IGDCC4: variants seen among roughly 807,000 people sequenced by gnomAD.
IGDCC4 encodes the protein likely ortholog of mouse neighbor of Punc E11.
A neutral mutation model predicts 116.6 loss-of-function variants in IGDCC4; 72 were observed. That is an observed-to-expected ratio of 0.62 (90% CI 0.51 to 0.75). The LOEUF is 0.75. Ranked by LOEUF, IGDCC4 falls within the 30% of genes least tolerant of loss-of-function variation. IGDCC4 has a pLI of 0.00. For missense variants in IGDCC4, 1,501 were observed against 1,662.4 expected (o/e 0.90, Z 1.69); for synonymous variants, 709 against 719.9 (o/e 0.98, Z 0.24).
chr15:65,408,506 G>GGGCTCCT (rs2140229132), intron 3 of IGDCC4, among the ~76,000 whole-genome samples: 1 of 152,280 alleles, frequency 6.6e-6, no homozygotes, highest in East Asian at 1.9e-4. Flanking sequence ...GGATGTTAAG[G>GGGCTCCT]GGCTCCTGGG....
At chr15:65,402,639 G>A (rs906922740) in intron 3 of IGDCC4, 152 bp from the exon 4 acceptor site, 55 of 1,032,450 alleles carry the variant, frequency 5.3e-5, no homozygotes, top group Middle Eastern at 3.1e-4. Context: ...GAGGCGAGGC[G>A]GGCGAATCAC....
intron 18 of IGDCC4, chr15:65,385,316 G>C: frequency 1.7e-6 from 1 of 595,336 alleles, no homozygotes; most frequent in Non-Finnish European, 2.9e-6. Context: ...GAGTCCTCCT[G>C]CAGAGGAGCG....
intron 15 of IGDCC4, 94 bp from the exon 16 acceptor site, chr15:65,388,680 A>G: frequency 6.3e-7 from 1 of 1,592,108 alleles, no homozygotes; most frequent in Non-Finnish European, 8.6e-7. Context: ...TCTGCTCTCC[A>G]CTTAGGCAGC....
Position 65,383,963 on chromosome 15 carries a change from A to G in IGDCC4, c.*46T>C. 2 of 1,494,470 alleles carry G rather than the reference A, an allele frequency of 1.3e-6. No homozygotes were observed. Among genetic ancestry groups the G allele is most frequent in the East Asian group, 2.3e-5 (1 of 43,196 alleles). 92.6% of individuals were successfully genotyped at this position (1,494,470 alleles called of 1,614,324 possible). The stretch of plus-strand genomic sequence containing the variant: ...TACACGGCCACAGGTATCGCATCCT[A>G]TGTGATCCATACCTGCCTGCCCCAA... On this transcript the variant is annotated 3_prime_UTR_variant, in exon 20 of 20. Transcript: ENST00000352385.
chr15:65,401,190 C>T (rs2062982553), intron 4 of IGDCC4, among the ~76,000 whole-genome samples: 1 of 152,164 alleles, frequency 6.6e-6, no homozygotes, highest in Non-Finnish European at 1.5e-5. Flanking sequence ...TTAGACAGAC[C>T]CACACCTACC....
At chr15:65,420,788 T>C (rs951076504) in intron 1 of IGDCC4, among the ~76,000 whole-genome samples, 8 of 152,182 alleles carry the variant, frequency 5.3e-5, no homozygotes, top group African/African-American at 1.7e-4. Flanking sequence ...CATGTCGAGC[T>C]CTACTACTCA....
At chr15:65,405,808 A>G (rs1595789273) in intron 3 of IGDCC4, among the ~76,000 whole-genome samples, 1 of 152,234 alleles carries the variant, frequency 6.6e-6, no homozygotes, top group East Asian at 1.9e-4. Context: ...GCTACTTATA[A>G]AATGAAAAAC....
At chr15:65,396,367 C>T (rs1196399857) in intron 6 of IGDCC4, 12 of 701,238 alleles carry the variant, frequency 1.7e-5, no homozygotes, top group Non-Finnish European at 3.1e-5. Flanking sequence ...AGCCCCACAA[C>T]GACCATTCTC....
Position 65,383,141 on chromosome 15 carries a change from G to A in IGDCC4, c.*868C>T, listed in dbSNP as rs1595772119. The A allele has an allele frequency of 6.6e-6, 1 of 152,180 alleles. No homozygotes were observed. Among genetic ancestry groups the A allele is most frequent in the African/African-American group, 2.4e-5 (1 of 41,426 alleles). 9.4% of individuals were successfully genotyped at this position (152,180 alleles called of 1,614,324 possible). On this transcript the variant is annotated 3_prime_UTR_variant, in exon 20 of 20. Coordinates refer to ENST00000352385, the MANE Select transcript of IGDCC4 (RefSeq NM_020962.3). ...AGCCGCGGATACAGGAAGGGCACGG[G>A]GGCCTTGAAGCAGACATGAGGTAGT...
At chr15:65,415,707 A>G (rs1234097603) in intron 1 of IGDCC4, among the ~76,000 whole-genome samples, 1 of 152,076 alleles carries the variant, frequency 6.6e-6, no homozygotes, top group Non-Finnish European at 1.5e-5. Flanking sequence ...CTTTTTGGGG[A>G]TGAACCAGCA....
rs1214670979 is a variant in IGDCC4, at chr15:65,395,175, A to G, written c.1495T>C (p.Tyr499His). The change falls in exon 8 of 20, where the codon TAT becomes CAT. Residue 499 changes from tyrosine to histidine, a missense_variant. Physicochemically the swap from Tyr to His is moderately conservative, Grantham distance 83 (BLOSUM62 2). Transcript: ENST00000352385. ...GAGTAGGCCACCACGTAGAACTCAT[A>G]ATCTGTGTTGGGTTCCAGGTCCCGA... ...QVRDLEPNTDYEFYVVAYSQL... is the reference protein window; with the variant it reads ...QVRDLEPNTDHEFYVVAYSQL... 6.2e-7 allele frequency: 1 copy of G among 1,613,862 alleles called. No individual in the cohort carries two copies. The highest frequency in any genetic ancestry group is 1.7e-5 in the Admixed American group (1 of 60,008).
intron 1 of IGDCC4, 127 bp downstream of exon 1, chr15:65,422,666 T>A: frequency 1.4e-6 from 1 of 708,970 alleles, no homozygotes; most frequent in Admixed American, 5.2e-5. Context: ...CGCGGGCACC[T>A]GGACGCGCAG....
rs80157845 is a variant in IGDCC4, at chr15:65,409,532, C to T, written c.563+646G>A. 5.5e-3 allele frequency among the ~76,000 whole-genome samples: 840 copies of T among 152,294 alleles called. 4 individuals are homozygous for T. Among genetic ancestry groups the T allele is most frequent in the African/African-American group, 0.02 (814 of 41,548 alleles). ...GAGCCTTGTGGTTTCTGGTACGCTG[C>T]ATACACATCTGGACCTACCCAGGAA... On this transcript the variant is annotated intron_variant, in intron 3 of 19. Transcript: ENST00000352385.
chr15:65,384,420 C>T lies in IGDCC4; in HGVS notation c.3343-1G>A, dbSNP rs920035368. ...GGGGTGACTTCTTCCTCCCATTGCC[C>T]TGATCAGAGCAGAGAACACAAAGAC... is the stretch of plus-strand genomic sequence containing the variant. On this transcript the variant is annotated splice_acceptor_variant, in intron 19 of 19. Coordinates refer to ENST00000352385, the MANE Select transcript of IGDCC4 (RefSeq NM_020962.3). LOFTEE classifies it high-confidence loss of function. The surrounding 1 kb of genome is among the most constrained non-coding windows in gnomAD (Gnocchi z 4.9). The T allele has an allele frequency of 6.6e-7, 1 of 1,504,524 alleles. No homozygotes were observed. The allele number at this position is 1,504,524 out of a possible 1,614,324, so 93.2% of individuals were successfully genotyped here.
chr15:65,409,870 C>T (rs2063073783), intron 3 of IGDCC4, among the ~76,000 whole-genome samples: 1 of 152,150 alleles, frequency 6.6e-6, no homozygotes, highest in African/African-American at 2.4e-5. Context: ...TGGGATAAGC[C>T]ACAGCTCCTC....
chr15:65,386,729 A>G, intron 16 of IGDCC4, 73 bp from the exon 17 acceptor site: 1 of 1,190,524 alleles, frequency 8.4e-7, no homozygotes, highest in South Asian at 1.4e-5. Flanking sequence ...AGGACTATCC[A>G]TGGCTTTCTC....
In IGDCC4 at chr15:65,382,947, C is replaced by A. The variant is rs140442930; in HGVS notation, c.*1062G>T. 2 of 152,440 alleles carry A rather than the reference C, an allele frequency of 1.3e-5. No individual in the cohort carries two copies. The highest frequency in any genetic ancestry group is 2.9e-5 in the Non-Finnish European group (2 of 68,062). The allele number at this position is 152,440 out of a possible 1,614,324, so 9.4% of individuals were successfully genotyped here. A position where few individuals can be genotyped will look rare whatever the true frequency, so the allele number is the denominator to read the frequency against. Reference sequence around the variant, plus strand: ...CTGTCTCAAACATTCCCCTCTATGACTTGGATCCATCCATGGAGAACCCTT... The same window carrying A: ...CTGTCTCAAACATTCCCCTCTATGAATTGGATCCATCCATGGAGAACCCTT... On this transcript the variant is annotated 3_prime_UTR_variant, in exon 20 of 20. Coordinates refer to ENST00000352385, the MANE Select transcript of IGDCC4 (RefSeq NM_020962.3).
At chr15:65,386,088 A>G in intron 17 of IGDCC4, 29 bp from the exon 18 acceptor site, 3 of 1,387,900 alleles carry the variant, frequency 2.2e-6, no homozygotes, top group Non-Finnish European at 2.9e-6. Context: ...AACAAGGCAT[A>G]GCGGTCAGAG....
intron 1 of IGDCC4, among the ~76,000 whole-genome samples, chr15:65,413,783 A>G (rs2063119321): frequency 6.6e-6 from 1 of 152,242 alleles, no homozygotes; most frequent in Non-Finnish European, 1.5e-5. Context: ...CTGGGCTGAC[A>G]GAGCCACGTG....
Sources: gnomAD v4.1 joint callset for allele counts (sites outside exome capture counted in the v4.1 genomes callset) on GRCh38, gnomAD v4.1.1 for gene constraint, Gnocchi (gnomAD v3.1) non-coding constraint, MANE v1.5 for transcripts, NCBI Gene and HGNC (gene_info 2026-07-23, HGNC 2026-07-21) for gene names.